UVRAG: variants seen among roughly 807,000 people sequenced by gnomAD.
UVRAG encodes the protein UV radiation resistance associated.
Under a neutral mutation model 78.0 loss-of-function variants are expected in UVRAG, and 19 were observed. That is an observed-to-expected ratio of 0.24 (90% CI 0.17 to 0.36). The LOEUF (loss-of-function observed/expected upper bound fraction) is 0.36. Among genes scored for constraint, UVRAG ranks in the 10% least tolerant of loss-of-function variants. The pLI, the probability that UVRAG is intolerant of heterozygous loss-of-function variation, is 1.00. For missense variants in UVRAG, 740 were observed against 853.8 expected, an observed-to-expected ratio of 0.87 and a Z score of 1.66; for synonymous variants, 323 against 324.6, an observed-to-expected ratio of 1.00 and a Z score of 0.05.
intron 1 of UVRAG, among the ~76,000 whole-genome samples, chr11:75,836,576 T>C (rs1945780845): frequency 6.6e-6 from 1 of 152,178 alleles, no homozygotes; most frequent in South Asian, 2.1e-4. Context: ...CTTCACAATT[T>C]CTTTGGCATA....
chr11:76,030,171 C>G (rs1024252293), intron 12 of UVRAG, among the ~76,000 whole-genome samples: 1 of 151,820 alleles, frequency 6.6e-6, no homozygotes, highest in Non-Finnish European at 1.5e-5. Flanking sequence ...GTATGAGTCA[C>G]TCTTTATTGA....
intron 4 of UVRAG, among the ~76,000 whole-genome samples, chr11:75,880,914 T>C (rs1289433045): frequency 6.6e-6 from 1 of 150,716 alleles, no homozygotes; most frequent in Non-Finnish European, 1.5e-5. Context: ...TTTCTTCCTT[T>C]CTTTTATTTA....
chr11:76,076,595 A>G (rs942667739), intron 13 of UVRAG, among the ~76,000 whole-genome samples: 8 of 152,172 alleles, frequency 5.3e-5, no homozygotes, highest in Non-Finnish European at 1.2e-4. Flanking sequence ...AAACGGTATC[A>G]GGTTCCAATT....
chr11:75,881,172 T>C (rs1351019368), intron 4 of UVRAG, among the ~76,000 whole-genome samples: 1 of 152,100 alleles, frequency 6.6e-6, no homozygotes, highest in Non-Finnish European at 1.5e-5. Context: ...GGTGTAAACA[T>C]GTGAGACAGG....
chr11:76,104,943 C>A (rs1951944475), intron 13 of UVRAG, among the ~76,000 whole-genome samples: 1 of 152,040 alleles, frequency 6.6e-6, no homozygotes, highest in South Asian at 2.1e-4. Flanking sequence ...TTGTGTTTTC[C>A]ATACATAGGA....
rs980678789 is a variant in UVRAG, at chr11:76,107,283, G to T, written c.1306-8641G>T. On this transcript the variant is annotated intron_variant, in intron 13 of 14. Coordinates refer to ENST00000356136, the MANE Select transcript of UVRAG (RefSeq NM_003369.4). Reference sequence around the variant, plus strand: ...ACATATGATATAAAGAAAAGAGCCTGTAAGGGTAGAACTTGGCAGACTTGG... The same window carrying T: ...ACATATGATATAAAGAAAAGAGCCTTTAAGGGTAGAACTTGGCAGACTTGG... Among the ~76,000 whole-genome samples the T allele has an allele frequency of 5.9e-4, 90 of 152,244 alleles. 1 individual carries two copies. Among genetic ancestry groups the T allele is most frequent in the Non-Finnish European group, 1.1e-3 (73 of 68,048 alleles).
chr11:75,983,265 A>T, intron 7 of UVRAG, 122 bp from the exon 8 acceptor site: 2 of 861,998 alleles, frequency 2.3e-6, no homozygotes, highest in Non-Finnish European at 3.3e-6. Flanking sequence ...CAAGAGTTCC[A>T]TAAGTTTGAT....
At position 76,141,168 on chromosome 11, in the gene UVRAG, C is replaced by G. The variant is rs773938023; in HGVS notation, c.1855C>G (p.Pro619Ala). ...TGTCCAGCTTCCAGGCGAGTTCCAC[C>G]CAGTCTCAGAAGCTGAGCTCTGCTG... ...ASVQLPGEFH[P>A]VSEAELCCTV... is the part of the protein sequence containing the mutation. The change falls in exon 15 of 15, where the codon CCA (proline) becomes GCA (alanine). Residue 619 changes from proline (P) to alanine (A), a missense_variant. Transcript: ENST00000356136. The G allele has an allele frequency of 6.2e-7, 1 of 1,614,154 alleles. No homozygotes were observed. Among genetic ancestry groups the G allele is most frequent in the Admixed American group, 1.7e-5 (1 of 60,018 alleles).
intron 4 of UVRAG, among the ~76,000 whole-genome samples, chr11:75,883,491 AC>A (rs1203669351): frequency 1.3e-5 from 2 of 152,226 alleles, no homozygotes; most frequent in East Asian, 3.8e-4. Flanking sequence ...CAAGTAACAT[AC>A]TGCTAAAAAT....
intron 8 of UVRAG, 104 bp downstream of exon 8, chr11:75,983,617 C>A: frequency 7.3e-7 from 1 of 1,373,006 alleles, no homozygotes; most frequent in East Asian, 2.5e-5. Context: ...AATACAGTCA[C>A]ACATCACTTA....
intron 13 of UVRAG, among the ~76,000 whole-genome samples, chr11:76,096,725 A>G (rs920324100): frequency 3.3e-5 from 5 of 152,150 alleles, no homozygotes; most frequent in African/African-American, 1.2e-4. Context: ...TCTGGGTGGA[A>G]ATCTTGCATC....
intron 6 of UVRAG, among the ~76,000 whole-genome samples, chr11:75,936,837 T>C (rs552542083): frequency 6.6e-6 from 1 of 152,296 alleles, no homozygotes; most frequent in South Asian, 2.1e-4. Flanking sequence ...TGCAATGGCC[T>C]GATCACAGCT....
intron 6 of UVRAG, among the ~76,000 whole-genome samples, chr11:75,920,779 T>C (rs895120805): frequency 6.6e-6 from 1 of 152,240 alleles, no homozygotes; most frequent in Admixed American, 6.5e-5. Flanking sequence ...ATGGTTTATG[T>C]ATATGGTTTG....
At chr11:75,903,770 A>G (rs1181090253) in intron 5 of UVRAG, among the ~76,000 whole-genome samples, 1 of 152,228 alleles carries the variant, frequency 6.6e-6, no homozygotes, top group Non-Finnish European at 1.5e-5. Context: ...GACAGTAGTA[A>G]TAATTGCCTA....
At chr11:75,877,849 G>A (rs1590964539) in intron 3 of UVRAG, among the ~76,000 whole-genome samples, 1 of 144,952 alleles carries the variant, frequency 6.9e-6, no homozygotes, top group African/African-American at 2.5e-5. Flanking sequence ...CGGGGCGGCT[G>A]GCCGGGCGGG....
intron 6 of UVRAG, among the ~76,000 whole-genome samples, chr11:75,952,723 T>C: frequency 6.6e-6 from 1 of 152,124 alleles, no homozygotes; most frequent in East Asian, 1.9e-4. Flanking sequence ...TTTATGTTCA[T>C]GTATAATAAT....
intron 13 of UVRAG, among the ~76,000 whole-genome samples, chr11:76,074,886 T>G (rs1007950958): frequency 6.6e-6 from 1 of 152,122 alleles, no homozygotes; most frequent in African/African-American, 2.4e-5. Flanking sequence ...TTTACCCTAT[T>G]ACTTCTCTTC....
chr11:75,849,277 G>T (rs141505226), intron 1 of UVRAG, among the ~76,000 whole-genome samples: 2 of 151,906 alleles, frequency 1.3e-5, no homozygotes, highest in Non-Finnish European at 2.9e-5. Flanking sequence ...AGGCCAAGGC[G>T]GGCGGATCAC....
At chr11:76,040,422 G>A (rs1244649160) in intron 12 of UVRAG, among the ~76,000 whole-genome samples, 2 of 146,068 alleles carry the variant, frequency 1.4e-5, no homozygotes, top group African/African-American at 2.5e-5. Context: ...GCAGTGAGCC[G>A]AGATCACACC....
Sources: allele counts gnomAD v4.1 joint callset (sites outside exome capture counted in the v4.1 genomes callset), GRCh38; gene constraint gnomAD v4.1.1; transcripts MANE v1.5; gene names NCBI Gene and HGNC (gene_info 2026-07-23, HGNC 2026-07-21).